Variants in NCALD observed in about 807,000 individuals in gnomAD.
NCALD encodes neurocalcin delta, also known as neurocalcin-delta.
NCALD carries 10 observed loss-of-function variants against 18.6 expected under a neutral mutation model. The observed-to-expected ratio is 0.54, with a 90% CI of 0.33 to 0.91. The LOEUF (loss-of-function observed/expected upper bound fraction) is 0.91. Among genes scored for constraint, NCALD ranks in the 40% least tolerant of loss-of-function variants. The pLI is 0.03. For synonymous variants in NCALD, 88 were observed against 87.4 expected, an observed-to-expected ratio of 1.01 and a Z score of -0.04; for missense variants, 184 against 247.6, an observed-to-expected ratio of 0.74 and a Z score of 1.72.
chr8:102,021,523 T>C (rs558512808), intron 1 of NCALD, among the ~76,000 whole-genome samples: 2 of 152,162 alleles, frequency 1.3e-5, no homozygotes, highest in African/African-American at 2.4e-5. Flanking sequence ...ATAAGTGAAA[T>C]AAATTGGCTT....
chr8:102,017,186 G>A (rs1378939105), intron 2 of NCALD, among the ~76,000 whole-genome samples: 4 of 152,074 alleles, frequency 2.6e-5, no homozygotes, highest in African/African-American at 4.8e-5. Context: ...AGATAGAGGT[G>A]TCAAAGTAAT....
chr8:101,751,972 C>T (rs892591793), intron 1 of NCALD, among the ~76,000 whole-genome samples: 6 of 152,220 alleles, frequency 3.9e-5, no homozygotes, highest in Middle Eastern at 3.4e-3. Flanking sequence ...AGATTATTTC[C>T]CCCAAACAAT....
chr8:101,945,574 C>A (rs926568307), intron 2 of NCALD, among the ~76,000 whole-genome samples: 13 of 152,088 alleles, frequency 8.5e-5, no homozygotes, highest in Admixed American at 3.9e-4. Context: ...GAAATTAAAC[C>A]ACAGTGAGTA....
rs117535983 is a variant in NCALD, at chr8:101,725,341, G to A, written c.-19-5693C>T. 3.5e-3 allele frequency among the ~76,000 whole-genome samples: 538 copies of A among 152,330 alleles called. 3 individuals carry two copies. In the East Asian group the frequency reaches 0.049, roughly 14 times the overall value. On this transcript the variant is annotated intron_variant, in intron 1 of 3. Transcript: ENST00000220931. The stretch of plus-strand genomic sequence containing the variant: ...ACTTCAGACAGCATGACTTCAGAGA[G>A]AAGCCTGGCCAGAGATGGTGGGCTC...
At chr8:101,918,759 C>T (rs2131638061) in intron 2 of NCALD, among the ~76,000 whole-genome samples, 1 of 151,912 alleles carries the variant, frequency 6.6e-6, no homozygotes, top group East Asian at 1.9e-4. Context: ...CACACACACA[C>T]ACACACACAC....
intron 2 of NCALD, among the ~76,000 whole-genome samples, chr8:102,008,691 A>G (rs1362355672): frequency 1.3e-5 from 2 of 152,056 alleles, no homozygotes; most frequent in African/African-American, 4.8e-5. Flanking sequence ...TCTCTACCCA[A>G]TTAACTACCC....
At chr8:101,878,186 C>G (rs548021434) in intron 4 of NCALD, among the ~76,000 whole-genome samples, 2 of 152,340 alleles carry the variant, frequency 1.3e-5, no homozygotes, top group East Asian at 3.9e-4. Flanking sequence ...TATGAACATT[C>G]AACTGCAACT....
At chr8:102,067,497 C>T (rs1398992797) in intron 1 of NCALD, among the ~76,000 whole-genome samples, 1 of 152,056 alleles carries the variant, frequency 6.6e-6, no homozygotes, top group South Asian at 2.1e-4. Flanking sequence ...ATGACCTTGA[C>T]ATAATTTTAG....
At chr8:102,078,182 A>T (rs1208166423) in intron 1 of NCALD, among the ~76,000 whole-genome samples, 1 of 151,908 alleles carries the variant, frequency 6.6e-6, no homozygotes, top group African/African-American at 2.4e-5. Context: ...ACCTCAATTT[A>T]TCTCTTCTTT....
intron 2 of NCALD, among the ~76,000 whole-genome samples, chr8:101,940,968 A>AT (rs1413321128): frequency 6.6e-6 from 1 of 152,198 alleles, no homozygotes; most frequent in Non-Finnish European, 1.5e-5. Flanking sequence ...TATTAAAAGG[A>AT]TTTTTTAAAG....
chr8:101,856,516 T>C (rs992178580), intron 4 of NCALD, among the ~76,000 whole-genome samples: 13 of 152,116 alleles, frequency 8.5e-5, no homozygotes, highest in African/African-American at 2.4e-4. Context: ...CTACATGGCC[T>C]TACGTGTAAG....
At chr8:101,821,835 C>A (rs1252124622) in intron 4 of NCALD, among the ~76,000 whole-genome samples, 1 of 145,292 alleles carries the variant, frequency 6.9e-6, no homozygotes, top group African/African-American at 2.6e-5. Flanking sequence ...GCAATCTACT[C>A]ATAAATCCTA....
intron 2 of NCALD, among the ~76,000 whole-genome samples, chr8:101,944,457 C>T (rs542129009): frequency 6.6e-5 from 10 of 152,296 alleles, no homozygotes; most frequent in South Asian, 2.1e-4. Flanking sequence ...GGTGCCTGCT[C>T]GACTGGAGTA....
chr8:102,044,333 A>G (rs2132190649), intron 1 of NCALD, among the ~76,000 whole-genome samples: 1 of 152,108 alleles, frequency 6.6e-6, no homozygotes, highest in African/African-American at 2.4e-5. Flanking sequence ...AAATGGGTTT[A>G]GGAAGAGAGG....
chr8:102,121,012 C>A (rs747436795), intron 1 of NCALD, among the ~76,000 whole-genome samples: 25 of 152,134 alleles, frequency 1.6e-4, no homozygotes, highest in Non-Finnish European at 3.2e-4. Context: ...ACTAGTTGAC[C>A]ACAGCACACT....
chr8:101,850,205 G>A (rs1375275726), intron 4 of NCALD, among the ~76,000 whole-genome samples: 3 of 152,108 alleles, frequency 2.0e-5, no homozygotes, highest in Admixed American at 6.5e-5. Context: ...GAAAATTCTC[G>A]CTTGATCTGG....
chr8:102,105,939 G>A (rs918016275), intron 1 of NCALD, among the ~76,000 whole-genome samples: 2 of 152,032 alleles, frequency 1.3e-5, no homozygotes, highest in South Asian at 2.1e-4. Context: ...TAATATACTC[G>A]GAACAGTGTC....
chr8:101,921,289 T>C (rs568631582), intron 2 of NCALD, among the ~76,000 whole-genome samples: 12 of 152,016 alleles, frequency 7.9e-5, no homozygotes, highest in Non-Finnish European at 1.5e-4. Context: ...ATTATATTAT[T>C]GAATTCTTAA....
At chr8:102,043,701 G>T (rs1823136285) in intron 1 of NCALD, among the ~76,000 whole-genome samples, 2 of 141,506 alleles carry the variant, frequency 1.4e-5, no homozygotes, top group Non-Finnish European at 3.0e-5. Flanking sequence ...GGAGGAGGAA[G>T]AGAAGGGGCA....
Sources: gnomAD v4.1 joint callset for allele counts (sites outside exome capture counted in the v4.1 genomes callset) on GRCh38, gnomAD v4.1.1 for gene constraint, MANE v1.5 for transcripts, NCBI Gene and HGNC (gene_info 2026-07-23, HGNC 2026-07-21) for gene names.